The following UNK variants were observed in gnomAD, a reference collection of about 807,000 sequenced individuals.
UNK encodes RING finger protein unkempt homolog.
Under a neutral mutation model 97.6 loss-of-function variants are expected in UNK, and 32 were observed. The observed-to-expected ratio is 0.33, with a 90% CI of 0.25 to 0.44. UNK has a LOEUF of 0.44. Among genes scored for constraint, UNK ranks in the 20% least tolerant of loss-of-function variants. The probability of loss-of-function intolerance (pLI) is 1.00; values close to 1 mark genes in which losing one functional copy is unlikely to be tolerated. For synonymous variants in UNK, 441 were observed against 461.2 expected (o/e 0.96, Z 0.56); for missense variants, 771 against 1,098.4 (o/e 0.70, Z 4.21).
At chr17:75,807,453 G>T (rs935595679) in intron 1 of UNK, among the ~76,000 whole-genome samples, 1 of 152,136 alleles carries the variant, frequency 6.6e-6, no homozygotes, top group Non-Finnish European at 1.5e-5. Flanking sequence ...ATGTATTTAT[G>T]TATTTATTTA....
rs1044361422 is a variant in UNK at position 75,822,342 on chromosome 17, C to G, written c.1838-135C>G. ...ACAGCCTTCCTGTCCCTGCAAAATT[C>G]TCTGGCCTGACACTAGCTGGAGCCT... On this transcript the variant is annotated intron_variant, in intron 13 of 15. Coordinates refer to ENST00000589666, the MANE Select transcript of UNK (RefSeq NM_001080419.3). 5.3e-6 allele frequency: 6 copies of G among 1,126,346 alleles called. No individual in the cohort carries two copies. In the African/African-American group the frequency reaches 9.5e-5, roughly 18 times the overall value. 69.8% of individuals were successfully genotyped at this position (1,126,346 alleles called of 1,614,324 possible). A position where few individuals can be genotyped will look rare whatever the true frequency, so the allele number is the denominator to read the frequency against.
At chr17:75,814,022 A>G (rs1265067314) in intron 6 of UNK, 144 bp downstream of exon 6, 2 of 705,012 alleles carry the variant, frequency 2.8e-6, no homozygotes, top group Non-Finnish European at 4.6e-6. Context: ...GGCAGTGCCT[A>G]GAGGATCCCT....
intron 1 of UNK, among the ~76,000 whole-genome samples, chr17:75,806,269 A>G (rs952369436): frequency 2.7e-5 from 4 of 149,072 alleles, no homozygotes; most frequent in Non-Finnish European, 5.9e-5. Context: ...TCTGGCTAAC[A>G]TGGTGAAACC....
At chr17:75,803,638 A>T (rs1332276545) in intron 1 of UNK, among the ~76,000 whole-genome samples, 2 of 152,186 alleles carry the variant, frequency 1.3e-5, no homozygotes, top group Non-Finnish European at 2.9e-5. Context: ...ATCTTAATTT[A>T]TCATGTGTTA....
intron 1 of UNK, among the ~76,000 whole-genome samples, chr17:75,808,076 A>G (rs143107471): frequency 6.6e-6 from 1 of 152,246 alleles, no homozygotes; most frequent in Non-Finnish European, 1.5e-5. Context: ...CTCTTTCAGG[A>G]AAGTTCCTTC....
At chr17:75,794,909 G>T (rs1019919534) in intron 1 of UNK, among the ~76,000 whole-genome samples, 4 of 152,186 alleles carry the variant, frequency 2.6e-5, no homozygotes, top group South Asian at 4.1e-4. Flanking sequence ...ACTGTTCTCC[G>T]CCATTATTTG....
intron 4 of UNK, among the ~76,000 whole-genome samples, 189 bp downstream of exon 4, chr17:75,812,774 C>G (rs755361306): frequency 6.6e-6 from 1 of 152,270 alleles, no homozygotes; most frequent in Non-Finnish European, 1.5e-5. Context: ...TTCCCAAGAT[C>G]CCTCCAGGCT....
intron 1 of UNK, among the ~76,000 whole-genome samples, chr17:75,790,140 C>T (rs1360218496): frequency 6.6e-6 from 1 of 151,730 alleles, no homozygotes; most frequent in African/African-American, 2.4e-5. Flanking sequence ...TAGACTCCGT[C>T]TCAAACAAAA....
rs2062032116 is a variant in UNK, at chr17:75,817,978, A to C, written c.1306-125A>C. ...TGGGGAGGAAGAAGGGGGTGTGTGC[A>C]TGCATGTGAAGAGGGGTTGCATGTC... On this transcript the variant is annotated intron_variant, in intron 9 of 15. Coordinates refer to ENST00000589666, the MANE Select transcript of UNK (RefSeq NM_001080419.3). This position sits in a 1 kb window ranked among gnomAD's most constrained non-coding sequence, Gnocchi z 5.8. 2 of 863,552 alleles carry C rather than the reference A, an allele frequency of 2.3e-6. No homozygotes were observed. Among genetic ancestry groups the C allele is most frequent in the African/African-American group, 1.7e-5 (1 of 60,302 alleles). The allele number at this position is 863,552 out of a possible 1,614,324, so 53.5% of individuals were successfully genotyped here. A position where few individuals can be genotyped will look rare whatever the true frequency, so the allele number is the denominator to read the frequency against.
chr17:75,818,483 A>G lies in UNK; in HGVS notation c.1372-159A>G, dbSNP rs540797566. On this transcript the variant is annotated intron_variant, in intron 10 of 15. Coordinates refer to ENST00000589666, the MANE Select transcript of UNK (RefSeq NM_001080419.3). This position sits in a 1 kb window ranked among gnomAD's most constrained non-coding sequence, Gnocchi z 5.1. ...CCGCACCTCCAACTCCATGCTCTCAACAAGGTGTCGGGTGTGCCGGGGCCC... is the reference window on the plus strand; with the variant it reads ...CCGCACCTCCAACTCCATGCTCTCAGCAAGGTGTCGGGTGTGCCGGGGCCC... Among the ~76,000 whole-genome samples the G allele has an allele frequency of 6.6e-6, 1 of 152,268 alleles. No individual in the cohort carries two copies. Among genetic ancestry groups the G allele is most frequent in the East Asian group, 1.9e-4 (1 of 5,174 alleles).
chr17:75,797,362 G>A (rs60581193), intron 1 of UNK, among the ~76,000 whole-genome samples: 2,647 of 152,296 alleles, frequency 0.017, 56 homozygotes, highest in African/African-American at 0.056. Flanking sequence ...AGCCTCCCAA[G>A]CAGCTGGGAC....
In UNK at chr17:75,817,311, C is replaced by T; in HGVS notation, c.1105-15C>T. On this transcript the variant is annotated splice_polypyrimidine_tract_variant and intron_variant, in intron 8 of 15. Coordinates refer to ENST00000589666, the MANE Select transcript of UNK (RefSeq NM_001080419.3). This position sits in a 1 kb window ranked among gnomAD's most constrained non-coding sequence, Gnocchi z 5.8. ...CTGTGCCCACGGGCCCACTCCCTCC[C>T]CTCCTTCTCCGCAGCTCCTCTGTAG... 1 of 1,556,468 alleles carries T rather than the reference C, an allele frequency of 6.4e-7. No individual in the cohort carries two copies. Among genetic ancestry groups the T allele is most frequent in the Non-Finnish European group, 8.7e-7 (1 of 1,148,752 alleles).
chr17:75,822,520 T>C lies in UNK; in HGVS notation c.1881T>C (p.Ser627=). Residue 627 remains serine (S), a synonymous_variant, in exon 14 of 16, where the codon TCT becomes TCC. Coordinates refer to ENST00000589666, the MANE Select transcript of UNK (RefSeq NM_001080419.3). ...MNSSIWEHFA[S]GSFSPGTSPA... ...GCAGCATCTGGGAGCATTTTGCCTC[T>C]GGAAGCTTCTCCCCGGGCACTTCCC... is the stretch of plus-strand genomic sequence containing the variant. 6.2e-7 allele frequency: 1 copy of C among 1,613,656 alleles called. No individual in the cohort carries two copies. The highest frequency in any genetic ancestry group is 8.5e-7 in the Non-Finnish European group (1 of 1,179,782).
chr17:75,812,280 C>T lies in UNK; in HGVS notation c.483C>T (p.Tyr161=), dbSNP rs966614356. 5 of 1,611,012 alleles carry T rather than the reference C, an allele frequency of 3.1e-6. No individual in the cohort carries two copies. In the East Asian group the frequency reaches 6.7e-5, roughly 22 times the overall value. ...CCCATGACCTCCGCTCCCCTGTCTA[C>T]GACATCAGGTGGGCTGGGTGCTGGG... The part of the protein sequence containing the change: ...HGPHDLRSPV[Y]DIRELQAMEA... Residue 161 remains tyrosine (Y), a synonymous_variant, in exon 3 of 16, where the codon TAC becomes TAT. Coordinates refer to ENST00000589666, the MANE Select transcript of UNK (RefSeq NM_001080419.3).
At chr17:75,812,011 C>A in intron 2 of UNK, 101 bp from the exon 3 acceptor site, 3 of 1,361,818 alleles carry the variant, frequency 2.2e-6, no homozygotes, top group South Asian at 1.5e-5. Flanking sequence ...AAACAAACAA[C>A]AACAACAACA....
At position 75,784,885 on chromosome 17, in the gene UNK, C is replaced by G; in HGVS notation, c.5C>G (p.Ser2Trp). ...AAGAGGCAGGAAGACAAGACCATGT[C>G]GAAGGGCCCCGGGCCCGGCGGCTCC... M[S>W]KGPGPGGSAA... The change falls in exon 1 of 16, where the codon TCG (serine) becomes TGG (tryptophan). Residue 2 changes from serine to tryptophan, a missense_variant. Transcript: ENST00000589666. The G allele has an allele frequency of 6.3e-7, 1 of 1,593,028 alleles. No homozygotes were observed. Among genetic ancestry groups the G allele is most frequent in the Non-Finnish European group, 8.5e-7 (1 of 1,171,336 alleles).
At position 75,819,554 on chromosome 17, in the gene UNK, G is replaced by T. The variant is rs990015638; in HGVS notation, c.1547-130G>T. The T allele has an allele frequency of 5.0e-6, 4 of 801,662 alleles. No homozygotes were observed. Among genetic ancestry groups the T allele is most frequent in the Non-Finnish European group, 8.2e-6 (4 of 489,352 alleles). 49.7% of individuals were successfully genotyped at this position (801,662 alleles called of 1,614,324 possible). ...TTGGCATAGGAAGCAGCTGAAGGAA[G>T]GGCACAGGGGCTTGGGAGAATACGG... is the stretch of plus-strand genomic sequence containing the variant. On this transcript the variant is annotated intron_variant, in intron 11 of 15. Coordinates refer to ENST00000589666, the MANE Select transcript of UNK (RefSeq NM_001080419.3). The surrounding 1 kb of genome is among the most constrained non-coding windows in gnomAD (Gnocchi z 5.4).
rs1186393774 is a variant in UNK, at chr17:75,816,369, C to T, written c.962-401C>T. Among the ~76,000 whole-genome samples, 3 of 152,180 alleles carry T rather than the reference C, an allele frequency of 2.0e-5. No homozygotes were observed. Among genetic ancestry groups the T allele is most frequent in the Admixed American group, 6.5e-5 (1 of 15,282 alleles). ...ATATTCTTGATGCAGAGGTGGTCCC[C>T]GGCCATGGGCATTGGGACCGCCTGG... On this transcript the variant is annotated intron_variant, in intron 7 of 15. Transcript: ENST00000589666. This position sits in a 1 kb window ranked among gnomAD's most constrained non-coding sequence, Gnocchi z 4.0.
At position 75,817,943 on chromosome 17, in the gene UNK, G is replaced by T. The variant is rs1014387953; in HGVS notation, c.1306-160G>T. Among the ~76,000 whole-genome samples, 2 of 152,056 alleles carry T rather than the reference G, an allele frequency of 1.3e-5. No individual in the cohort carries two copies. Among genetic ancestry groups the T allele is most frequent in the Non-Finnish European group, 2.9e-5 (2 of 67,984 alleles). On this transcript the variant is annotated intron_variant, in intron 9 of 15. Transcript: ENST00000589666. This position sits in a 1 kb window ranked among gnomAD's most constrained non-coding sequence, Gnocchi z 5.8. ...GCTCCCTGCTTAGGGTAGGGGAAGG[G>T]AGTAGGGGGTGGGGAGGAAGAAGGG...
Sources: gnomAD v4.1 joint callset for allele counts (sites outside exome capture counted in the v4.1 genomes callset) on GRCh38, gnomAD v4.1.1 for gene constraint, Gnocchi (gnomAD v3.1) non-coding constraint, MANE v1.5 for transcripts, NCBI Gene and HGNC (gene_info 2026-07-23, HGNC 2026-07-21) for gene names.